PGS1: variants seen among roughly 807,000 people sequenced by gnomAD.
PGS1 encodes phosphatidylglycerophosphate synthase 1, also known as CDP-diacylglycerol--glycerol-3-phosphate 3-phosphatidyltransferase, mitochondrial.
Under a neutral mutation model 58.3 loss-of-function variants are expected in PGS1, and 44 were observed. The observed-to-expected ratio is 0.75, with a 90% CI of 0.59 to 0.97. PGS1 has a LOEUF of 0.97. PGS1 is among the 50% of genes least tolerant of loss of function. The pLI, the probability that PGS1 is intolerant of heterozygous loss-of-function variation, is 0.00. For synonymous variants in PGS1, 330 were observed against 311.0 expected, an observed-to-expected ratio of 1.06 and a Z score of -0.64; for missense variants, 684 against 731.1, an observed-to-expected ratio of 0.94 and a Z score of 0.74.
intron 7 of PGS1, among the ~76,000 whole-genome samples, chr17:78,407,744 C>G (rs1399792957): frequency 6.6e-6 from 1 of 152,258 alleles, no homozygotes; most frequent in African/African-American, 2.4e-5. Context: ...CAGCACAGCA[C>G]TCTCTGGGAG....
intron 6 of PGS1, among the ~76,000 whole-genome samples, chr17:78,402,441 C>T (rs1016204833): frequency 3.3e-5 from 5 of 150,774 alleles, no homozygotes; most frequent in African/African-American, 4.9e-5. Flanking sequence ...CACACACACA[C>T]ACATATGTAT....
intron 2 of PGS1, among the ~76,000 whole-genome samples, chr17:78,395,989 C>T (rs866811333): frequency 6.6e-6 from 1 of 152,352 alleles, no homozygotes; most frequent in East Asian, 1.9e-4. Context: ...ATCTGCCTGC[C>T]TCGGCCTCCG....
Position 78,420,888 on chromosome 17 carries a change from A to G in PGS1, c.*10+1213A>G, listed in dbSNP as rs542947288. On this transcript the variant is annotated intron_variant, in intron 9 of 9. Transcript: ENST00000262764. ...TGCATATCCTGCTGTCTTCCCCCAAAATGTGTACTTAACCAAAACAGCACC... is the reference window on the plus strand; with the variant it reads ...TGCATATCCTGCTGTCTTCCCCCAAGATGTGTACTTAACCAAAACAGCACC... 4 of 152,262 alleles carry G rather than the reference A, an allele frequency of 2.6e-5. No individual in the cohort carries two copies. The South Asian group carries it at 8.3e-4, about 32-fold the overall frequency. 9.4% of individuals were successfully genotyped at this position (152,262 alleles called of 1,614,324 possible).
In PGS1 at chr17:78,403,822, G is replaced by A. The variant is rs914720456; in HGVS notation, c.1135G>A (p.Gly379Arg). The A allele has an allele frequency of 2.5e-6, 4 of 1,614,110 alleles. No homozygotes were observed. Among genetic ancestry groups the A allele is most frequent in the African/African-American group, 1.3e-5 (1 of 74,932 alleles). Residue 379 changes from glycine (G) to arginine (R), a missense_variant, in exon 7 of 10, where the codon GGG becomes AGG. Coordinates refer to ENST00000262764, the MANE Select transcript of PGS1 (RefSeq NM_024419.5). ...TETLLTEAER[G>R]AKVYLTTGYF... ...GACCCTGTTGACTGAGGCGGAGCGC[G>A]GGGCAAAGGTCTACCTCACCACTGG...
Position 78,424,285 on chromosome 17 carries a change from C to CTG in PGS1, c.*236_*237dup. ...TCTACCCCAAAAGGCTTCAGGCCAG[C>CTG]TGCCACGGCTGGAAGCAGAGGCCTT... On this transcript the variant is annotated 3_prime_UTR_variant, in exon 10 of 10. Transcript: ENST00000262764. 8.4e-7 allele frequency: 1 copy of CTG among 1,193,542 alleles called. No homozygotes were observed. Among genetic ancestry groups the CTG allele is most frequent in the Non-Finnish European group, 1.1e-6 (1 of 878,118 alleles). The allele number at this position is 1,193,542 out of a possible 1,614,324, so 73.9% of individuals were successfully genotyped here.
chr17:78,389,192 A>C (rs1021339017), intron 1 of PGS1, among the ~76,000 whole-genome samples: 2 of 142,226 alleles, frequency 1.4e-5, no homozygotes, highest in Non-Finnish European at 3.1e-5. Flanking sequence ...CGGGCGGCTA[A>C]TTTTTTTTTT....
At chr17:78,412,902 C>T (rs893063612) in intron 7 of PGS1, among the ~76,000 whole-genome samples, 3 of 151,980 alleles carry the variant, frequency 2.0e-5, no homozygotes, top group East Asian at 1.9e-4. Context: ...GGCTGGCGGA[C>T]GCCTGCCTTG....
chr17:78,419,503 T>G, intron 8 of PGS1, 43 bp from the exon 9 acceptor site: 1 of 1,567,276 alleles, frequency 6.4e-7, no homozygotes, highest in Non-Finnish European at 8.8e-7. Context: ...GGTGTGGTGC[T>G]GGAGGGGACT....
At chr17:78,422,571 C>T (rs116521222) in intron 9 of PGS1, among the ~76,000 whole-genome samples, 11 of 152,094 alleles carry the variant, frequency 7.2e-5, no homozygotes, top group South Asian at 2.1e-4. Flanking sequence ...GATCATGCCT[C>T]GCTGCGTACT....
At chr17:78,407,978 G>A (rs1266253601) in intron 7 of PGS1, among the ~76,000 whole-genome samples, 1 of 152,228 alleles carries the variant, frequency 6.6e-6, no homozygotes. Context: ...AGTATTGCCA[G>A]GACTGTCTGG....
intron 1 of PGS1, among the ~76,000 whole-genome samples, chr17:78,381,435 G>A (rs2082029803): frequency 6.6e-6 from 1 of 152,152 alleles, no homozygotes; most frequent in African/African-American, 2.4e-5. Flanking sequence ...AGGTTTCTGA[G>A]CCTTTCTTTG....
At chr17:78,399,577 C>T (rs756400235) in intron 5 of PGS1, 40 bp downstream of exon 5, 1 of 1,588,002 alleles carries the variant, frequency 6.3e-7, no homozygotes, top group Non-Finnish European at 8.6e-7. Context: ...CCCTCCTGCT[C>T]TGCAGGCTGG....
intron 6 of PGS1, among the ~76,000 whole-genome samples, chr17:78,401,228 C>T (rs11077363): frequency 0.61 from 92,780 of 151,350 alleles, 28,473 homozygotes; most frequent in Admixed American, 0.65. Context: ...CAGGTCAGGA[C>T]GCAGTTAACA....
At chr17:78,423,048 A>C (rs539906128) in intron 9 of PGS1, among the ~76,000 whole-genome samples, 6 of 151,076 alleles carry the variant, frequency 4.0e-5, no homozygotes, top group African/African-American at 1.2e-4. Flanking sequence ...ACGTGAGCCG[A>C]GATTGCGTCA....
rs780309965 is a variant in PGS1, at chr17:78,404,063, G to A, written c.1376G>A (p.Arg459Gln). Residue 459 changes from arginine to glutamine, a missense_variant, in exon 7 of 10, where the codon CGG (arginine) becomes CAG (glutamine). Arg to Gln is a conservative substitution (Grantham distance 43). Coordinates refer to ENST00000262764, the MANE Select transcript of PGS1 (RefSeq NM_024419.5). Reference sequence around the variant, plus strand: ...CGGGTCCAGCTTCAGGAGTACTGGCGGAGGGGCTGGACGTTCCACGCCAAA... The same window carrying A: ...CGGGTCCAGCTTCAGGAGTACTGGCAGAGGGGCTGGACGTTCCACGCCAAA... The part of the protein sequence containing the change: ...QERVQLQEYW[R>Q]RGWTFHAKGL... The A allele has an allele frequency of 1.9e-6, 3 of 1,594,112 alleles. No individual in the cohort carries two copies. The highest frequency in any genetic ancestry group is 1.3e-5 in the African/African-American group (1 of 74,622).
chr17:78,396,885 T>C (rs73998883), intron 3 of PGS1, among the ~76,000 whole-genome samples: 3,861 of 152,362 alleles, frequency 0.025, 151 homozygotes, highest in African/African-American at 0.087. Context: ...ACTTTCATGC[T>C]GCAGTGGCAG....
chr17:78,415,355 G>A (rs2085089000), intron 8 of PGS1, among the ~76,000 whole-genome samples: 1 of 152,232 alleles, frequency 6.6e-6, no homozygotes, highest in Non-Finnish European at 1.5e-5. Flanking sequence ...TTGGGGCTGG[G>A]TGTGGTGGCT....
chr17:78,418,880 T>C (rs1238664244), intron 8 of PGS1, among the ~76,000 whole-genome samples: 1 of 152,134 alleles, frequency 6.6e-6, no homozygotes, highest in Non-Finnish European at 1.5e-5. Context: ...ATTTAAAAAA[T>C]ACCTCATTTT....
chr17:78,424,062 AATGGCCTTGATGAAGATG>A lies in PGS1; in HGVS notation c.*14_*31del. 1 of 1,614,066 alleles carries A rather than the reference AATGGCCTTGATGAAGATG, an allele frequency of 6.2e-7. No homozygotes were observed. Among genetic ancestry groups the A allele is most frequent in the Non-Finnish European group, 8.5e-7 (1 of 1,179,900 alleles). ...TCTTGGTCTCCATGCGGTCCACAGG[AATGGCCTTGATGAAGATG>A]ACAGGCATGGCCGGGGTCAGCTCTT... On this transcript the variant is annotated splice_region_variant and 3_prime_UTR_variant, in exon 10 of 10. Transcript: ENST00000262764.
Sources: allele counts gnomAD v4.1 joint callset (sites outside exome capture counted in the v4.1 genomes callset), GRCh38; gene constraint gnomAD v4.1.1; transcripts MANE v1.5; gene names NCBI Gene and HGNC (gene_info 2026-07-23, HGNC 2026-07-21).